ITIH6: variants seen among roughly 807,000 people sequenced by gnomAD.
ITIH6 encodes the protein inter-alpha-trypsin inhibitor heavy chain family member 6.
Under a neutral mutation model 58.2 loss-of-function variants are expected in ITIH6, and 60 were observed. The ratio of observed to expected loss-of-function variants is 1.03; its 90% confidence interval spans 0.84 to 1.28. The LOEUF is 1.28. Among genes scored for constraint, ITIH6 ranks in the 50% most tolerant of loss-of-function variants. The pLI, the probability that ITIH6 is intolerant of heterozygous loss-of-function variation, is 0.00. For missense variants in ITIH6, 1,290 were observed against 1,021.1 expected (o/e 1.26, Z -3.59); for synonymous variants, 493 against 417.4 (o/e 1.18, Z -2.21).
At chrX:54,764,888 T>G (rs1203956008) in intron 6 of ITIH6, among the ~76,000 whole-genome samples, 3 of 102,150 alleles carry the variant, frequency 2.9e-5, no homozygotes, top group African/African-American at 1.1e-4. Flanking sequence ...AGTGTAAAAG[T>G]GTCCCTATTT....
intron 6 of ITIH6, among the ~76,000 whole-genome samples, chrX:54,771,596 G>T (rs1224495077): frequency 1.8e-5 from 2 of 111,362 alleles, no homozygotes; most frequent in Non-Finnish European, 3.8e-5. Context: ...TATATGTGGT[G>T]CACTCTATCC....
rs1928546608 is a variant in ITIH6 at position 54,758,154 on chromosome X, C to T, written c.1920G>A (p.Arg640=). Residue 640 remains arginine, a synonymous_variant, in exon 8 of 13, where the codon AGG becomes AGA. Transcript: ENST00000218436. ...PDTIMPSSSS[R]HGLGVSTAQP... ...GAGCTGTGCTTACCCCTAGGCCATG[C>T]CTGCTGCTGGATGAGGGCATGATGG... 31 of 1,209,645 alleles carry T rather than the reference C, an allele frequency of 2.6e-5. No individual in the cohort carries two copies. The highest frequency in any genetic ancestry group is 3.5e-5 in the Non-Finnish European group (31 of 894,927).
At chrX:54,769,089 T>G (rs1309849002) in intron 6 of ITIH6, among the ~76,000 whole-genome samples, 1 of 99,829 alleles carries the variant, frequency 1.0e-5, no homozygotes, top group Non-Finnish European at 2.0e-5. Context: ...TTTTTATTCT[T>G]TTGTCTCTAA....
chrX:54,794,103 G>A (rs1228480899), intron 2 of ITIH6, among the ~76,000 whole-genome samples: 1 of 110,720 alleles, frequency 9.0e-6, no homozygotes, highest in Non-Finnish European at 1.9e-5. Context: ...ACTCAGGGAA[G>A]AAGTGTTTCT....
chrX:54,788,996 G>A (rs921975033), intron 4 of ITIH6, among the ~76,000 whole-genome samples: 8 of 112,535 alleles, frequency 7.1e-5, no homozygotes, highest in African/African-American at 2.3e-4. Context: ...CCGGAGGTAC[G>A]CCAGCAGCCC....
Position 54,757,134 on chromosome X carries a change from G to A in ITIH6, c.2940C>T (p.Ser980=), listed in dbSNP as rs925425293. 3 of 1,211,524 alleles carry A rather than the reference G, an allele frequency of 2.5e-6. No individual in the cohort carries two copies. Among genetic ancestry groups the A allele is most frequent in the Non-Finnish European group, 3.4e-6 (3 of 895,406 alleles). ...GCAGCAAGATTGGCAGGTTTGGAGG[G>A]CTGCCTTCTGGTGTAGGCCTGGAGC... ...LNSSRPTPEG[S]PPNLPILLPS... is the part of the protein sequence containing the mutation. The change falls in exon 8 of 13, where the codon AGC becomes AGT. Residue 980 remains serine, a synonymous_variant. Transcript: ENST00000218436.
At chrX:54,761,417 G>A (rs1928641812) in intron 6 of ITIH6, among the ~76,000 whole-genome samples, 1 of 111,003 alleles carries the variant, frequency 9.0e-6, no homozygotes, top group Non-Finnish European at 1.9e-5. Context: ...AGTTTCTTTT[G>A]CTGTGCAGAA....
chrX:54,754,391 A>G (rs987490056), intron 9 of ITIH6, among the ~76,000 whole-genome samples: 2 of 112,110 alleles, frequency 1.8e-5, no homozygotes, highest in Admixed American at 9.5e-5. Flanking sequence ...TCCCAGAAAT[A>G]GGTTATTTCA....
At chrX:54,792,162 A>G in intron 2 of ITIH6, 126 bp from the exon 3 acceptor site, 1 of 454,385 alleles carries the variant, frequency 2.2e-6, no homozygotes, top group South Asian at 3.9e-5. Context: ...AGAACAACAC[A>G]GTGCCATAAA....
At chrX:54,759,975 T>G (rs749626641) in intron 6 of ITIH6, 48 bp from the exon 7 acceptor site, 1 of 1,061,487 alleles carries the variant, frequency 9.4e-7, no homozygotes, top group Admixed American at 2.5e-5. Flanking sequence ...ACTTGAGGTC[T>G]ATGAGATTGA....
chrX:54,768,747 C>A (rs373936646), intron 6 of ITIH6, among the ~76,000 whole-genome samples: 12 of 102,812 alleles, frequency 1.2e-4, no homozygotes, highest in Admixed American at 2.1e-4. Context: ...CCGAGAGATC[C>A]GCTGTTAGTC....
intron 6 of ITIH6, among the ~76,000 whole-genome samples, chrX:54,765,656 T>C (rs1460361752): frequency 1.6e-4 from 16 of 103,175 alleles, no homozygotes; most frequent in African/African-American, 5.7e-4. Context: ...GACTGCGGAC[T>C]GCAGTGGTGC....
intron 5 of ITIH6, among the ~76,000 whole-genome samples, chrX:54,781,079 A>G (rs1929139847): frequency 9.0e-6 from 1 of 111,703 alleles, no homozygotes; most frequent in South Asian, 3.7e-4. Context: ...CATACCATAT[A>G]CAAAAATTAA....
At chrX:54,782,998 G>A (rs757715545) in intron 5 of ITIH6, among the ~76,000 whole-genome samples, 5 of 112,262 alleles carry the variant, frequency 4.5e-5, no homozygotes, top group Non-Finnish European at 7.5e-5. Context: ...TTATGACCAA[G>A]TGGGATTTAT....
chrX:54,788,344 T>C, intron 5 of ITIH6, 136 bp downstream of exon 5: 1 of 514,188 alleles, frequency 1.9e-6, no homozygotes, highest in Non-Finnish European at 3.1e-6. Flanking sequence ...CGTGTGTCTT[T>C]TCACGTCAGC....
intron 5 of ITIH6, among the ~76,000 whole-genome samples, chrX:54,783,224 C>A (rs1929179387): frequency 8.9e-6 from 1 of 112,213 alleles, no homozygotes; most frequent in Non-Finnish European, 1.9e-5. Context: ...AGACCCACAG[C>A]TAGTATCATA....
intron 5 of ITIH6, among the ~76,000 whole-genome samples, chrX:54,785,232 T>TGGGGGGGAGGGGGGGGGG (rs1929221847): frequency 1.1e-5 from 1 of 91,132 alleles, no homozygotes; most frequent in African/African-American, 4.1e-5. Flanking sequence ...AGATGGGGGG[T>TGGGGGGGAGGGGGGGGGG]GGGGAAGGCA....
chrX:54,792,075 G>C, intron 2 of ITIH6, 39 bp from the exon 3 acceptor site: 1 of 968,576 alleles, frequency 1.0e-6, no homozygotes, highest in South Asian at 2.0e-5. Context: ...TAGAGACAGA[G>C]AAAATAAAGA....
At chrX:54,778,016 C>T (rs1040494192) in intron 5 of ITIH6, among the ~76,000 whole-genome samples, 3 of 111,556 alleles carry the variant, frequency 2.7e-5, no homozygotes, top group African/African-American at 9.8e-5. Context: ...CTTTCAGACA[C>T]AGAATTCAAA....
Sources: gnomAD v4.1 joint callset for allele counts (sites outside exome capture counted in the v4.1 genomes callset) on GRCh38, gnomAD v4.1.1 for gene constraint, MANE v1.5 for transcripts, NCBI Gene and HGNC (gene_info 2026-07-23, HGNC 2026-07-21) for gene names.